KCNQ1: variants seen among roughly 807,000 people sequenced by gnomAD.
KCNQ1 encodes potassium voltage-gated channel subfamily KQT member 1.
Under a neutral mutation model 72.4 loss-of-function variants are expected in KCNQ1, and 49 were observed. That is an observed-to-expected ratio of 0.68 (90% CI 0.54 to 0.86). The LOEUF is 0.86. Among genes scored for constraint, KCNQ1 ranks in the 40% least tolerant of loss-of-function variants. KCNQ1 has a pLI of 0.00. For synonymous variants in KCNQ1, 450 were observed against 412.6 expected, an observed-to-expected ratio of 1.09 and a Z score of -1.10; for missense variants, 790 against 945.1, an observed-to-expected ratio of 0.84 and a Z score of 2.15.
Position 2,661,457 on chromosome 11 carries a change from G to T in KCNQ1, c.1394-504G>T. ...TGATGTAGCATCGTGTTTTGAGGAA[G>T]GAGTTCTGTGGCTGCCCCCACCTCC... On this transcript the variant is annotated intron_variant, in intron 10 of 15. Transcript: ENST00000155840. The surrounding 1 kb of genome is among the most constrained non-coding windows in gnomAD (Gnocchi z 5.9). The T allele has an allele frequency of 2.3e-6, 1 of 438,368 alleles. No homozygotes were observed. The highest frequency in any genetic ancestry group is 4.0e-6 in the Non-Finnish European group (1 of 249,392). The allele number at this position is 438,368 out of a possible 1,614,324, so 27.2% of individuals were successfully genotyped here.
At chr11:2,805,821 G>A (rs1472589240) in intron 15 of KCNQ1, among the ~76,000 whole-genome samples, 1 of 152,186 alleles carries the variant, frequency 6.6e-6, no homozygotes, top group Non-Finnish European at 1.5e-5. Flanking sequence ...AAATCGCTCT[G>A]ATGACACGTA....
intron 6 of KCNQ1, among the ~76,000 whole-genome samples, chr11:2,582,361 G>A (rs759657046): frequency 2.0e-5 from 3 of 152,334 alleles, no homozygotes; most frequent in East Asian, 1.9e-4. Context: ...CAGGTGGGCC[G>A]GGGTTTGTTC....
chr11:2,522,096 C>T (rs935990129), intron 1 of KCNQ1, among the ~76,000 whole-genome samples: 6 of 152,212 alleles, frequency 3.9e-5, no homozygotes, highest in South Asian at 2.1e-4. Flanking sequence ...CGGGTGCCTT[C>T]GGGGCTGGTA....
Position 2,488,539 on chromosome 11 carries a change from G to A in KCNQ1, c.387-39389G>A, listed in dbSNP as rs1226353919. Among the ~76,000 whole-genome samples the A allele has an allele frequency of 6.6e-6, 1 of 152,094 alleles. No individual in the cohort carries two copies. Among genetic ancestry groups the A allele is most frequent in the Non-Finnish European group, 1.5e-5 (1 of 68,028 alleles). ...TGATTCAATCTCCTCACTAGTTATA[G>A]GTCCATGAAGATTTTGTATTTCTTT... On this transcript the variant is annotated intron_variant, in intron 1 of 15. Transcript: ENST00000155840. This position sits in a 1 kb window ranked among gnomAD's most constrained non-coding sequence, Gnocchi z 5.1.
intron 2 of KCNQ1, among the ~76,000 whole-genome samples, chr11:2,546,617 T>C (rs1847905500): frequency 6.6e-6 from 1 of 151,862 alleles, no homozygotes; most frequent in Non-Finnish European, 1.5e-5. Context: ...CTTTATTAGT[T>C]TTTTGTTTAA....
chr11:2,610,027 A>G (rs1848953206), intron 10 of KCNQ1: 1 of 397,960 alleles, frequency 2.5e-6, no homozygotes, highest in East Asian at 3.6e-5. Context: ...TATTGATATA[A>G]TTAGATTTAT....
At chr11:2,465,550 GTGCGTAGCAGAGC>G (rs562395649) in intron 1 of KCNQ1, among the ~76,000 whole-genome samples, 171 of 152,360 alleles carry the variant, frequency 1.1e-3, no homozygotes, top group Non-Finnish European at 1.9e-3. Flanking sequence ...CACACAGCTT[GTGCGTAGCAGAGC>G]TCCCTGTCCG....
chr11:2,729,669 C>G (rs1343660081), intron 11 of KCNQ1, among the ~76,000 whole-genome samples: 1 of 152,150 alleles, frequency 6.6e-6, no homozygotes, highest in Non-Finnish European at 1.5e-5. Flanking sequence ...TGTTAGGTAT[C>G]GTAAGTGGTC....
intron 15 of KCNQ1, among the ~76,000 whole-genome samples, chr11:2,811,578 G>T (rs931784977): frequency 6.6e-6 from 1 of 152,232 alleles, no homozygotes; most frequent in South Asian, 2.1e-4. Flanking sequence ...GGCCCTTGCC[G>T]AGCGTCAGGG....
At chr11:2,610,213 G>A (rs892025044) in intron 10 of KCNQ1, 40 of 397,324 alleles carry the variant, frequency 1.0e-4, no homozygotes, top group South Asian at 2.6e-4. Context: ...CTTATGTATC[G>A]TCTCAAAATT....
At chr11:2,572,165 C>A in intron 5 of KCNQ1, 56 bp downstream of exon 5, 1 of 1,329,002 alleles carries the variant, frequency 7.5e-7, no homozygotes, top group African/African-American at 1.4e-5. Context: ...ACGGAGGGAG[C>A]AGAGCAGCCC....
chr11:2,532,040 A>T (rs987863734), intron 2 of KCNQ1, among the ~76,000 whole-genome samples: 21 of 152,254 alleles, frequency 1.4e-4, no homozygotes, highest in African/African-American at 4.6e-4. Flanking sequence ...GGCCTTTGCA[A>T]GCCCTCTTCT....
chr11:2,527,755 C>T (rs187573607), intron 1 of KCNQ1, among the ~76,000 whole-genome samples, 173 bp from the exon 2 acceptor site: 9 of 152,348 alleles, frequency 5.9e-5, no homozygotes, highest in Admixed American at 4.6e-4. Context: ...CGGCATCCCT[C>T]GTGCGGACCT....
chr11:2,662,170 G>C lies in KCNQ1; in HGVS notation c.1514+89G>C. The stretch of plus-strand genomic sequence containing the variant: ...TGGTGCTGGGGAAGCCTTGCTCTCT[G>C]GCCAGAGTGCTATCTACTCGCCTAG... On this transcript the variant is annotated intron_variant, in intron 11 of 15. Transcript: ENST00000155840. 14 of 1,571,748 alleles carry C rather than the reference G, an allele frequency of 8.9e-6. No homozygotes were observed. In the South Asian group the frequency reaches 1.6e-4, roughly 18 times the overall value.
chr11:2,796,046 AC>A (rs1262600748), intron 15 of KCNQ1, among the ~76,000 whole-genome samples: 1 of 151,832 alleles, frequency 6.6e-6, no homozygotes, highest in African/African-American at 2.4e-5. Flanking sequence ...GTTTTCTTGA[AC>A]CCACCGTGCT....
chr11:2,556,855 G>A (rs186707868), intron 2 of KCNQ1, among the ~76,000 whole-genome samples: 35 of 152,244 alleles, frequency 2.3e-4, no homozygotes, highest in Middle Eastern at 3.4e-3. Context: ...AACTTCATGA[G>A]GATCAGAACA....
At chr11:2,529,624 C>T (rs530045067) in intron 2 of KCNQ1, among the ~76,000 whole-genome samples, 93 of 152,306 alleles carry the variant, frequency 6.1e-4, no homozygotes, top group African/African-American at 2.0e-3. Context: ...ACTTTCCTGG[C>T]GTCTGCGAAA....
intron 11 of KCNQ1, chr11:2,681,573 T>C: frequency 5.0e-6 from 2 of 398,462 alleles, no homozygotes; most frequent in East Asian, 7.1e-5. Context: ...AACTTCCCTT[T>C]TCAGGAAGTT....
At chr11:2,732,572 C>T (rs1341960420) in intron 11 of KCNQ1, among the ~76,000 whole-genome samples, 2 of 152,226 alleles carry the variant, frequency 1.3e-5, no homozygotes, top group South Asian at 2.1e-4. Flanking sequence ...TTACAGCAGG[C>T]GCGAGCGAAG....
Sources: gnomAD v4.1 joint callset for allele counts (sites outside exome capture counted in the v4.1 genomes callset) on GRCh38, gnomAD v4.1.1 for gene constraint, Gnocchi (gnomAD v3.1) non-coding constraint, MANE v1.5 for transcripts, NCBI Gene and HGNC (gene_info 2026-07-23, HGNC 2026-07-21) for gene names.